ADAMTS9: variants seen among roughly 807,000 people sequenced by gnomAD.
The protein encoded by ADAMTS9 is ADAM metallopeptidase with thrombospondin type 1 motif 9.
Under a neutral mutation model 257.1 loss-of-function variants are expected in ADAMTS9, and 107 were observed. The ratio of observed to expected loss-of-function variants is 0.42; its 90% confidence interval spans 0.36 to 0.49. The LOEUF (loss-of-function observed/expected upper bound fraction) is 0.49, where lower values mean the gene tolerates loss of function less well. ADAMTS9 is among the 20% of genes least tolerant of loss of function. ADAMTS9 has a pLI of 0.03. For synonymous variants in ADAMTS9, 982 were observed against 880.9 expected, an observed-to-expected ratio of 1.11 and a Z score of -2.03; for missense variants, 2,353 against 2,469.1, an observed-to-expected ratio of 0.95 and a Z score of 1.00.
intron 28 of ADAMTS9, among the ~76,000 whole-genome samples, chr3:64,576,446 G>C (rs937805120): frequency 3.9e-5 from 6 of 152,146 alleles, no homozygotes; most frequent in African/African-American, 1.2e-4. Context: ...GGTTTTACAG[G>C]CTTCTCACAA....
In ADAMTS9 at chr3:64,541,211, T is replaced by A; in HGVS notation, c.5405A>T (p.Glu1802Val). The change falls in exon 36 of 40, where the codon GAA (glutamate) becomes GTA (valine). Residue 1802 changes from glutamate to valine, a missense_variant. Physicochemically the swap from Glu to Val is moderately radical, Grantham distance 121. This residue lies in a region of ADAMTS9 where 1,402 missense variants were observed against 1,441.4 expected (regional missense o/e 0.97). Coordinates refer to ENST00000498707, the MANE Select transcript of ADAMTS9 (RefSeq NM_182920.2). ...GCGCCGGCTCCCGTTATAGGGACAT[T>A]CTGTTGGGTTGTGTAACCTAAATTA... is the stretch of plus-strand genomic sequence containing the variant. ...VYGHRLHNPT[E>V]CPYNGSRRDD... is the part of the protein sequence containing the mutation. 6.2e-7 allele frequency: 1 copy of A among 1,614,174 alleles called. No homozygotes were observed. Among genetic ancestry groups the A allele is most frequent in the African/African-American group, 1.3e-5 (1 of 75,038 alleles).
At chr3:64,551,500 C>A (rs796717865) in intron 30 of ADAMTS9, among the ~76,000 whole-genome samples, 16 of 152,300 alleles carry the variant, frequency 1.1e-4, no homozygotes, top group African/African-American at 3.8e-4. Context: ...TGAGCCACCA[C>A]TCCCGGCCGA....
intron 27 of ADAMTS9, 126 bp from the exon 28 acceptor site, chr3:64,594,560 A>C (rs1299258116): frequency 7.2e-6 from 8 of 1,115,410 alleles, no homozygotes; most frequent in Non-Finnish European, 9.1e-6. Context: ...TGACAGATGG[A>C]ACCAAGGTGA....
intron 3 of ADAMTS9, among the ~76,000 whole-genome samples, chr3:64,661,263 T>C (rs1286029567): frequency 4.0e-5 from 6 of 150,428 alleles, no homozygotes; most frequent in Non-Finnish European, 8.8e-5. Context: ...TGTATACCAA[T>C]GCCAATAAGT....
intron 23 of ADAMTS9, among the ~76,000 whole-genome samples, chr3:64,606,561 T>C (rs1033129338): frequency 6.6e-6 from 1 of 152,192 alleles, no homozygotes; most frequent in Admixed American, 6.5e-5. Flanking sequence ...AATAATCAGT[T>C]TGCAAAACTC....
At chr3:64,625,010 G>GC (rs1035816396) in intron 16 of ADAMTS9, among the ~76,000 whole-genome samples, 2 of 151,986 alleles carry the variant, frequency 1.3e-5, no homozygotes, top group Non-Finnish European at 2.9e-5. Context: ...CTAGAGAAAG[G>GC]CCCCCCCTTA....
At chr3:64,632,053 G>A in intron 14 of ADAMTS9, 128 bp from the exon 15 acceptor site, 1 of 714,210 alleles carries the variant, frequency 1.4e-6, no homozygotes, top group Non-Finnish European at 2.3e-6. Context: ...AACTTGGAAA[G>A]GTTGAAAACT....
chr3:64,625,458 G>A (rs983523560), intron 16 of ADAMTS9, among the ~76,000 whole-genome samples: 2 of 152,172 alleles, frequency 1.3e-5, no homozygotes, highest in African/African-American at 4.8e-5. Flanking sequence ...AGAGGGCAGA[G>A]ATGAAGCTCT....
intron 32 of ADAMTS9, among the ~76,000 whole-genome samples, chr3:64,543,518 A>G (rs879705815): frequency 6.6e-6 from 1 of 152,246 alleles, no homozygotes; most frequent in Admixed American, 6.5e-5. Context: ...CACAAAAACC[A>G]TATGATTATC....
intron 28 of ADAMTS9, among the ~76,000 whole-genome samples, chr3:64,570,728 A>G (rs902329335): frequency 7.5e-6 from 1 of 133,024 alleles, no homozygotes; most frequent in Non-Finnish European, 1.6e-5. Context: ...AAAAAGATGT[A>G]TTTTTTTGAA....
At chr3:64,538,840 G>T (rs974156353) in intron 37 of ADAMTS9, among the ~76,000 whole-genome samples, 1 of 151,318 alleles carries the variant, frequency 6.6e-6, no homozygotes, top group Non-Finnish European at 1.5e-5. Flanking sequence ...TTTTTTTTTA[G>T]AAGTGTCAGT....
At chr3:64,576,179 T>C (rs776707722) in intron 28 of ADAMTS9, among the ~76,000 whole-genome samples, 2 of 152,224 alleles carry the variant, frequency 1.3e-5, no homozygotes, top group Non-Finnish European at 2.9e-5. Flanking sequence ...AGATGCTGTA[T>C]CTGAATGCCA....
intron 37 of ADAMTS9, 120 bp downstream of exon 37, chr3:64,539,083 C>A (rs1434988358): frequency 2.0e-6 from 2 of 990,206 alleles, no homozygotes; most frequent in African/African-American, 3.2e-5. Flanking sequence ...ATACATGTGG[C>A]CAAACTGCCC....
rs1433473860 is a variant in ADAMTS9 at position 64,687,193 on chromosome 3, A to G, written c.116-225T>C. The stretch of plus-strand genomic sequence containing the variant: ...ACTATTCCGAGCCAGACAATTAACA[A>G]GTCAAAATATATATGATTTCAGATA... On this transcript the variant is annotated intron_variant, in intron 1 of 39. Transcript: ENST00000498707. This position sits in a 1 kb window ranked among gnomAD's most constrained non-coding sequence, Gnocchi z 4.4. Among the ~76,000 whole-genome samples the G allele has an allele frequency of 6.6e-6, 1 of 152,230 alleles. No homozygotes were observed. The highest frequency in any genetic ancestry group is 2.4e-5 in the African/African-American group (1 of 41,464).
At chr3:64,548,406 C>A (rs921010166) in intron 31 of ADAMTS9, among the ~76,000 whole-genome samples, 3 of 152,146 alleles carry the variant, frequency 2.0e-5, no homozygotes, top group Non-Finnish European at 2.9e-5. Context: ...AAGGCCAGCC[C>A]GGGGTGTTTC....
chr3:64,623,755 C>G (rs1700163358), intron 16 of ADAMTS9, among the ~76,000 whole-genome samples: 1 of 152,136 alleles, frequency 6.6e-6, no homozygotes, highest in Non-Finnish European at 1.5e-5. Context: ...TCTTTCCAAA[C>G]AAGAATGTAA....
chr3:64,678,508 T>A (rs1469038668), intron 3 of ADAMTS9, among the ~76,000 whole-genome samples: 3 of 152,188 alleles, frequency 2.0e-5, no homozygotes, highest in Non-Finnish European at 4.4e-5. Flanking sequence ...GGGTTAGTTT[T>A]GTTTTGTTTT....
intron 36 of ADAMTS9, among the ~76,000 whole-genome samples, chr3:64,540,385 T>C (rs1025440506): frequency 6.6e-6 from 1 of 152,224 alleles, no homozygotes; most frequent in African/African-American, 2.4e-5. Context: ...TTAGCTGTCT[T>C]TAACCACTCC....
chr3:64,643,939 C>A (rs908434587), intron 11 of ADAMTS9, among the ~76,000 whole-genome samples: 5 of 152,134 alleles, frequency 3.3e-5, no homozygotes, highest in Admixed American at 2.6e-4. Context: ...TAACAAAATA[C>A]AACAGGTCTC....
Sources: gnomAD v4.1 joint callset for allele counts (sites outside exome capture counted in the v4.1 genomes callset) on GRCh38, gnomAD v4.1.1 for gene constraint, gnomAD v4.1.1 regional missense constraint, Gnocchi (gnomAD v3.1) non-coding constraint, MANE v1.5 for transcripts, NCBI Gene and HGNC (gene_info 2026-07-23, HGNC 2026-07-21) for gene names.